The following GALNTL6 variants were observed in gnomAD, a reference collection of about 807,000 sequenced individuals.
GALNTL6 encodes the protein polypeptide N-acetylgalactosaminyltransferase like 6, also known as polypeptide N-acetylgalactosaminyltransferase-like 6.
Under a neutral mutation model 73.7 loss-of-function variants are expected in GALNTL6, and 46 were observed. The observed-to-expected ratio is 0.62, with a 90% CI of 0.49 to 0.80. The LOEUF (loss-of-function observed/expected upper bound fraction) is 0.80, where lower values mean the gene tolerates loss of function less well. Ranked by LOEUF, GALNTL6 falls within the 30% of genes least tolerant of loss-of-function variation. The pLI is 0.00. For synonymous variants in GALNTL6, 259 were observed against 263.7 expected, an observed-to-expected ratio of 0.98 and a Z score of 0.17; for missense variants, 604 against 755.0, an observed-to-expected ratio of 0.80 and a Z score of 2.34.
chr4:172,222,867 G>A lies in GALNTL6; in HGVS notation c.139-6789G>A, dbSNP rs113499287. ...ATCAATTTCTGAGGCAGAGTGAATG[G>A]GAGTCATGATTAAGACTGACATAAG... is the stretch of plus-strand genomic sequence containing the variant. On this transcript the variant is annotated intron_variant, in intron 2 of 12. Transcript: ENST00000506823. Among the ~76,000 whole-genome samples, 1,405 of 152,042 alleles carry A rather than the reference G, an allele frequency of 9.2e-3. 17 individuals are homozygous for A. Among genetic ancestry groups the A allele is most frequent in the African/African-American group, 0.031 (1,269 of 41,518 alleles).
chr4:172,691,159 G>A (rs1010534093), intron 5 of GALNTL6, among the ~76,000 whole-genome samples: 4 of 152,208 alleles, frequency 2.6e-5, no homozygotes, highest in Admixed American at 2.6e-4. Flanking sequence ...GGGGAGGGTA[G>A]AGGATGGGTA....
chr4:171,846,709 T>A (rs1159693760), intron 2 of GALNTL6, among the ~76,000 whole-genome samples: 1 of 150,364 alleles, frequency 6.7e-6, no homozygotes, highest in Non-Finnish European at 1.5e-5. Flanking sequence ...TGGACATATA[T>A]AGATTTTTAT....
intron 5 of GALNTL6, among the ~76,000 whole-genome samples, chr4:172,717,895 T>G (rs12502786): frequency 0.01 from 1,552 of 152,266 alleles, 51 homozygotes; most frequent in Admixed American, 0.061. Flanking sequence ...GGGTGTGTGT[T>G]TATGTGTGTC....
At chr4:172,949,482 ATG>A (rs768814685) in intron 9 of GALNTL6, among the ~76,000 whole-genome samples, 359 of 152,374 alleles carry the variant, frequency 2.4e-3, no homozygotes, top group Non-Finnish European at 2.1e-3. Context: ...GTGTAAATTG[ATG>A]AAAATTAAGT....
chr4:172,661,951 G>T (rs2111181302), intron 5 of GALNTL6, among the ~76,000 whole-genome samples: 1 of 152,258 alleles, frequency 6.6e-6, no homozygotes, highest in South Asian at 2.1e-4. Flanking sequence ...GGAGACAGGT[G>T]CTAATAAGAA....
At chr4:172,761,528 T>A (rs1294170286) in intron 5 of GALNTL6, among the ~76,000 whole-genome samples, 1 of 152,208 alleles carries the variant, frequency 6.6e-6, no homozygotes, top group Non-Finnish European at 1.5e-5. Context: ...GGATTTGTGA[T>A]CCCCATGTGT....
intron 10 of GALNTL6, among the ~76,000 whole-genome samples, chr4:172,995,380 G>A (rs965812133): frequency 1.3e-5 from 2 of 152,188 alleles, no homozygotes; most frequent in African/African-American, 2.4e-5. Context: ...CAATCTGGGA[G>A]TGGAAGGGGG....
rs1385820974 is a variant in GALNTL6, at chr4:172,979,097, A to G, written c.1371+26839A>G. On this transcript the variant is annotated intron_variant, in intron 10 of 12. Transcript: ENST00000506823. ...TAGTTTTGGCAGTGATTTTGGTACT[A>G]ATAGTGGGTGTTGGTAGTACAAATA... Among the ~76,000 whole-genome samples, 5 of 152,338 alleles carry G rather than the reference A, an allele frequency of 3.3e-5. No homozygotes were observed. The East Asian group carries it at 5.8e-4, about 18-fold the overall frequency.
At chr4:172,286,271 A>G (rs558254186) in intron 3 of GALNTL6, among the ~76,000 whole-genome samples, 4 of 152,296 alleles carry the variant, frequency 2.6e-5, no homozygotes, top group African/African-American at 9.6e-5. Context: ...ATTTTTTTTA[A>G]ATAAGCATCA....
chr4:172,612,120 C>G, intron 5 of GALNTL6, among the ~76,000 whole-genome samples: 1 of 151,928 alleles, frequency 6.6e-6, no homozygotes, highest in East Asian at 1.9e-4. Flanking sequence ...AAATGCCTGG[C>G]TAATAATAGT....
At chr4:172,820,699 C>G (rs560912135) in intron 7 of GALNTL6, among the ~76,000 whole-genome samples, 2 of 152,300 alleles carry the variant, frequency 1.3e-5, no homozygotes, top group South Asian at 4.2e-4. Flanking sequence ...GAACTTTGTT[C>G]ATTCCCTGCT....
At chr4:172,393,659 C>T (rs1743745854) in intron 5 of GALNTL6, among the ~76,000 whole-genome samples, 2 of 152,242 alleles carry the variant, frequency 1.3e-5, no homozygotes, top group Middle Eastern at 3.4e-3. Flanking sequence ...TTTTTGTCTT[C>T]GAGATTTCCC....
At chr4:172,154,343 C>T (rs758456654) in intron 2 of GALNTL6, among the ~76,000 whole-genome samples, 2 of 152,072 alleles carry the variant, frequency 1.3e-5, no homozygotes, top group Non-Finnish European at 2.9e-5. Flanking sequence ...AGCGATTCTC[C>T]TGCCTCAGCC....
intron 5 of GALNTL6, among the ~76,000 whole-genome samples, chr4:172,583,965 A>G (rs1223979438): frequency 2.0e-5 from 3 of 151,988 alleles, no homozygotes; most frequent in Non-Finnish European, 4.4e-5. Context: ...TATAGGATTC[A>G]AAATCTTCTG....
chr4:172,974,950 T>C (rs1043858599), intron 10 of GALNTL6, among the ~76,000 whole-genome samples: 1 of 152,128 alleles, frequency 6.6e-6, no homozygotes, highest in African/African-American at 2.4e-5. Context: ...ACCACAGAGC[T>C]CCAAAGAGGG....
chr4:172,242,062 A>G (rs1029934301), intron 3 of GALNTL6, among the ~76,000 whole-genome samples: 1 of 152,194 alleles, frequency 6.6e-6, no homozygotes, highest in African/African-American at 2.4e-5. Context: ...TAATTATAGT[A>G]GCTGAAGAGC....
At chr4:172,378,831 GATTAT>G (rs138620681) in intron 5 of GALNTL6, among the ~76,000 whole-genome samples, 16,006 of 151,538 alleles carry the variant, frequency 0.11, 852 homozygotes, top group East Asian at 0.17. Context: ...GGATGAGATT[GATTAT>G]ATTTTATTTT....
intron 5 of GALNTL6, among the ~76,000 whole-genome samples, chr4:172,728,236 A>C (rs1323584255): frequency 6.6e-6 from 1 of 152,132 alleles, no homozygotes; most frequent in African/African-American, 2.4e-5. Flanking sequence ...AGTGGTAATA[A>C]ATACATTTAT....
At chr4:172,262,579 C>T (rs1291220476) in intron 3 of GALNTL6, among the ~76,000 whole-genome samples, 1 of 151,468 alleles carries the variant, frequency 6.6e-6, no homozygotes, top group African/African-American at 2.4e-5. Context: ...AGCCATTCTG[C>T]CATTCTGTAT....
Sources: allele counts gnomAD v4.1 joint callset (sites outside exome capture counted in the v4.1 genomes callset), GRCh38; gene constraint gnomAD v4.1.1; transcripts MANE v1.5; gene names NCBI Gene and HGNC (gene_info 2026-07-23, HGNC 2026-07-21).